PSD3: variants seen among roughly 807,000 people sequenced by gnomAD.
PSD3 encodes the protein pleckstrin and Sec7 domain containing 3.
A neutral mutation model predicts 105.5 loss-of-function variants in PSD3; 49 were observed. That is an observed-to-expected ratio of 0.46 (90% CI 0.37 to 0.59). The LOEUF is 0.59. Among genes scored for constraint, PSD3 ranks in the 20% least tolerant of loss-of-function variants. The pLI is 0.00. For missense variants in PSD3, 1,561 were observed against 1,263.8 expected (o/e 1.24, Z -3.57); for synonymous variants, 557 against 457.8 (o/e 1.22, Z -2.77).
At chr8:18,683,520 C>G (rs2130960059) in intron 9 of PSD3, among the ~76,000 whole-genome samples, 2 of 152,342 alleles carry the variant, frequency 1.3e-5, no homozygotes, top group East Asian at 1.9e-4. Context: ...ACAGTCATCT[C>G]ATTTTGAGCA....
chr8:18,616,628 C>CTTTTTTTTTTTTTTTTTTTTTTT (rs71217391), intron 11 of PSD3, among the ~76,000 whole-genome samples: 2 of 126,776 alleles, frequency 1.6e-5, no homozygotes, highest in African/African-American at 3.0e-5. Flanking sequence ...CTTTTCTTTT[C>CTTTTTTTTTTTTTTTTTTTTTTT]TTTTTTTTTT....
intron 1 of PSD3, among the ~76,000 whole-genome samples, chr8:19,019,065 G>A (rs1464920904): frequency 6.6e-6 from 1 of 152,176 alleles, no homozygotes; most frequent in Non-Finnish European, 1.5e-5. Context: ...AAAAGGCTGG[G>A]ATTACAAGCG....
At chr8:18,836,056 G>A (rs1386394309) in intron 4 of PSD3, among the ~76,000 whole-genome samples, 1 of 152,196 alleles carries the variant, frequency 6.6e-6, no homozygotes, top group Non-Finnish European at 1.5e-5. Context: ...TGGTAACACA[G>A]TTGAGATATG....
At chr8:18,755,804 A>G (rs977232040) in intron 9 of PSD3, among the ~76,000 whole-genome samples, 2 of 150,652 alleles carry the variant, frequency 1.3e-5, no homozygotes, top group Admixed American at 6.6e-5. Context: ...GTGGATCTTC[A>G]GTTACTTCAA....
intron 9 of PSD3, among the ~76,000 whole-genome samples, chr8:18,707,176 C>T (rs1409974948): frequency 6.6e-6 from 1 of 152,092 alleles, no homozygotes; most frequent in East Asian, 1.9e-4. Flanking sequence ...TGTCCAAATC[C>T]TACCCATCCT....
chr8:19,022,281 G>C (rs547519846), intron 1 of PSD3, among the ~76,000 whole-genome samples: 1 of 152,270 alleles, frequency 6.6e-6, no homozygotes, highest in South Asian at 2.1e-4. Context: ...ATTTGGAGGG[G>C]ACAAACATCC....
chr8:18,571,852 G>C (rs888514617), intron 14 of PSD3, among the ~76,000 whole-genome samples: 2 of 151,990 alleles, frequency 1.3e-5, no homozygotes, highest in Admixed American at 1.3e-4. Flanking sequence ...ACTAGTCAAT[G>C]GCAAGGGGGT....
intron 4 of PSD3, among the ~76,000 whole-genome samples, chr8:18,835,193 T>G (rs751795884): frequency 7.2e-5 from 11 of 152,214 alleles, no homozygotes; most frequent in South Asian, 2.1e-4. Flanking sequence ...AGCAATTATA[T>G]GTCTAAGCAT....
At chr8:19,051,901 G>T (rs1202570168) in intron 1 of PSD3, among the ~76,000 whole-genome samples, 1 of 152,208 alleles carries the variant, frequency 6.6e-6, no homozygotes, top group Non-Finnish European at 1.5e-5. Context: ...CAGAGCACAG[G>T]TAGATTAATT....
At chr8:18,616,152 A>G (rs918762501) in intron 11 of PSD3, among the ~76,000 whole-genome samples, 5 of 152,254 alleles carry the variant, frequency 3.3e-5, no homozygotes, top group African/African-American at 1.2e-4. Flanking sequence ...CAGGAGCCAG[A>G]AAACGGTCTG....
intron 14 of PSD3, among the ~76,000 whole-genome samples, chr8:18,559,055 T>C (rs1008335874): frequency 6.6e-6 from 1 of 151,594 alleles, no homozygotes; most frequent in Non-Finnish European, 1.5e-5. Flanking sequence ...TGTTGTGGGA[T>C]TTTTTTTCCC....
intron 1 of PSD3, among the ~76,000 whole-genome samples, chr8:18,976,756 T>C (rs980243267): frequency 1.3e-5 from 2 of 152,216 alleles, no homozygotes; most frequent in Non-Finnish European, 2.9e-5. Flanking sequence ...CATTTATCCA[T>C]AGTAGCTGAT....
chr8:19,001,655 A>C lies in PSD3; in HGVS notation c.21+11908T>G, dbSNP rs142132435. The C allele has an allele frequency of 3.3e-3, 505 of 152,242 alleles. 9 individuals are homozygous for C. The highest frequency in any genetic ancestry group is 5.2e-3 in the Non-Finnish European group (351 of 68,026). The allele number at this position is 152,242 out of a possible 1,614,324, so 9.4% of individuals were successfully genotyped here. On this transcript the variant is annotated intron_variant, in intron 1 of 15. Coordinates refer to ENST00000327040, the MANE Select transcript of PSD3 (RefSeq NM_015310.4). ...AAGCATCGAATCTGTATAGGAATCA[A>C]GCACATGGAAAAATCTTTGATTCCT...
At position 18,698,361 on chromosome 8, in the gene PSD3, C is replaced by A. The variant is rs958474386; in HGVS notation, c.2173-42676G>T. Among the ~76,000 whole-genome samples the A allele has an allele frequency of 2.6e-5, 4 of 152,128 alleles. 1 individual carries two copies. Among genetic ancestry groups the A allele is most frequent in the Non-Finnish European group, 5.9e-5 (4 of 68,032 alleles). ...CTCTAACTCCTGGGCTCAAGTGATCCTCCTGCCTTGGCCTCCCGAAGTGCT... is the reference window on the plus strand; with the variant it reads ...CTCTAACTCCTGGGCTCAAGTGATCATCCTGCCTTGGCCTCCCGAAGTGCT... On this transcript the variant is annotated intron_variant, in intron 9 of 15. Coordinates refer to ENST00000327040, the MANE Select transcript of PSD3 (RefSeq NM_015310.4).
chr8:18,554,621 G>C (rs1016360999), intron 15 of PSD3, among the ~76,000 whole-genome samples: 1 of 152,036 alleles, frequency 6.6e-6, no homozygotes, highest in African/African-American at 2.4e-5. Flanking sequence ...ACTTTTTAAG[G>C]CTTCTATGAA....
At chr8:18,938,788 T>A (rs1313384125) in intron 1 of PSD3, among the ~76,000 whole-genome samples, 1 of 152,172 alleles carries the variant, frequency 6.6e-6, no homozygotes, top group African/African-American at 2.4e-5. Flanking sequence ...CATCCCCATC[T>A]TATAGGTGGA....
chr8:18,652,395 G>C (rs1204220920), intron 10 of PSD3, among the ~76,000 whole-genome samples: 1 of 151,596 alleles, frequency 6.6e-6, no homozygotes, highest in Non-Finnish European at 1.5e-5. Flanking sequence ...AAATGGGTCA[G>C]AGAAAGTCTA....
Position 18,532,919 on chromosome 8 carries a change from T to G in PSD3, c.*2824A>C, listed in dbSNP as rs1215516705. 2.0e-5 allele frequency: 3 copies of G among 152,136 alleles called. No individual in the cohort carries two copies. Among genetic ancestry groups the G allele is most frequent in the Admixed American group, 2.0e-4 (3 of 15,266 alleles). The allele number at this position is 152,136 out of a possible 1,614,324, so 9.4% of individuals were successfully genotyped here. On this transcript the variant is annotated 3_prime_UTR_variant, in exon 16 of 16. Transcript: ENST00000327040. ...GAAATTAATATGAAGTGTATTGACGTGAAGAAGAATGATTTATCATATGGA... is the reference window on the plus strand; with the variant it reads ...GAAATTAATATGAAGTGTATTGACGGGAAGAAGAATGATTTATCATATGGA...
intron 1 of PSD3, among the ~76,000 whole-genome samples, chr8:19,049,690 CAAAAAAAAAAAA>C (rs10584051): frequency 1.6e-5 from 1 of 64,364 alleles, no homozygotes; most frequent in African/African-American, 5.1e-5. Context: ...GACCCTGTCT[CAAAAAAAAAAAA>C]AAAAAAAAAA....
Sources: allele counts gnomAD v4.1 joint callset (sites outside exome capture counted in the v4.1 genomes callset), GRCh38; gene constraint gnomAD v4.1.1; transcripts MANE v1.5; gene names NCBI Gene and HGNC (gene_info 2026-07-23, HGNC 2026-07-21).